The following PCNP variants were observed in gnomAD, a reference collection of about 807,000 sequenced individuals.
The protein encoded by PCNP is PEST proteolytic signal containing nuclear protein, also known as PEST proteolytic signal-containing nuclear protein.
A neutral mutation model predicts 21.8 loss-of-function variants in PCNP; 6 were observed. The ratio of observed to expected loss-of-function variants is 0.28; its 90% CI spans 0.15 to 0.54. The LOEUF is 0.54. Ranked by LOEUF, PCNP falls within the 20% of genes least tolerant of loss-of-function variation. The pLI is 0.95. For missense variants in PCNP, 161 were observed against 215.5 expected (o/e 0.75, Z 1.58); for synonymous variants, 67 against 73.2 (o/e 0.92, Z 0.43).
intron 3 of PCNP, among the ~76,000 whole-genome samples, chr3:101,588,722 T>G (rs1011589098): frequency 2.6e-5 from 4 of 152,250 alleles, no homozygotes; most frequent in African/African-American, 9.6e-5. Flanking sequence ...GGCCAGTTAT[T>G]TTGTATAAGC....
At chr3:101,589,019 T>C (rs1559964209) in intron 3 of PCNP, among the ~76,000 whole-genome samples, 1 of 152,206 alleles carries the variant, frequency 6.6e-6, no homozygotes, top group East Asian at 1.9e-4. Flanking sequence ...TGAGGACGTT[T>C]TCTCACTAGC....
chr3:101,592,522 T>C (rs1033533041), intron 4 of PCNP, 105 bp from the exon 5 acceptor site: 12 of 851,938 alleles, frequency 1.4e-5, no homozygotes, highest in Non-Finnish European at 2.0e-5. Context: ...GTGTTCAGTC[T>C]GTGTTTATAA....
At chr3:101,590,185 T>C (rs770517377) in intron 3 of PCNP, 30 bp from the exon 4 acceptor site, 87 of 1,282,922 alleles carry the variant, frequency 6.8e-5, no homozygotes, top group Non-Finnish European at 8.6e-5. Context: ...TTGTATGCAG[T>C]TATCTTGGTT....
At chr3:101,586,571 T>TGTGA in intron 3 of PCNP, among the ~76,000 whole-genome samples, 261 of 114,204 alleles carry the variant, frequency 2.3e-3, no homozygotes, top group Middle Eastern at 9.7e-3. Context: ...TGTGTGTGTG[T>TGTGA]GAGAGAGAGA....
chr3:101,587,827 C>A (rs1935611737), intron 3 of PCNP, among the ~76,000 whole-genome samples: 1 of 152,116 alleles, frequency 6.6e-6, no homozygotes, highest in Non-Finnish European at 1.5e-5. Context: ...ATACAGGATG[C>A]AGGGAATACG....
chr3:101,581,582 C>T (rs1392065891), intron 2 of PCNP, among the ~76,000 whole-genome samples: 5 of 151,714 alleles, frequency 3.3e-5, no homozygotes, highest in Non-Finnish European at 7.4e-5. Flanking sequence ...CACAGGTGCA[C>T]GCCACCACGT....
chr3:101,575,474 C>G (rs1047234327), intron 1 of PCNP, among the ~76,000 whole-genome samples: 1 of 147,942 alleles, frequency 6.8e-6, no homozygotes, highest in Non-Finnish European at 1.5e-5. Flanking sequence ...TCCCCACCCC[C>G]TGTCTTTTTT....
chr3:101,593,974 A>T lies in PCNP; in HGVS notation c.*1221A>T, dbSNP rs553853947. 6.5e-6 allele frequency: 1 copy of T among 152,736 alleles called. No homozygotes were observed. Among genetic ancestry groups the T allele is most frequent in the South Asian group, 2.1e-4 (1 of 4,826 alleles). The allele number at this position is 152,736 out of a possible 1,614,324, so 9.5% of individuals were successfully genotyped here. ...CTTTTTTTAAATGTGACAGTTAAAC[A>T]CATCTTTAAAAGCATAGTCACAGAC... On this transcript the variant is annotated 3_prime_UTR_variant, in exon 5 of 5. Transcript: ENST00000265260.
chr3:101,578,446 A>T (rs1276733717), intron 1 of PCNP, among the ~76,000 whole-genome samples: 1 of 152,144 alleles, frequency 6.6e-6, no homozygotes, highest in African/African-American at 2.4e-5. Flanking sequence ...TTGTGATTTT[A>T]TATATAAGTA....
In PCNP at chr3:101,593,479, T is replaced by G. The variant is rs1401477079; in HGVS notation, c.*726T>G. 6.6e-6 allele frequency: 1 copy of G among 152,656 alleles called. No individual in the cohort carries two copies. Among genetic ancestry groups the G allele is most frequent in the Non-Finnish European group, 1.5e-5 (1 of 68,036 alleles). 9.5% of individuals were successfully genotyped at this position (152,656 alleles called of 1,614,324 possible). On this transcript the variant is annotated 3_prime_UTR_variant, in exon 5 of 5. Transcript: ENST00000265260. ...TGAATGTGCTTCTCTTGTTTTTTGT[T>G]TATTAGCTAGTTCCTGTAAGCATTT...
At chr3:101,586,397 G>A (rs1302216678) in intron 3 of PCNP, among the ~76,000 whole-genome samples, 2 of 152,010 alleles carry the variant, frequency 1.3e-5, no homozygotes, top group Admixed American at 1.3e-4. Context: ...ACCTATGGAA[G>A]TTTCAAGCAT....
intron 3 of PCNP, among the ~76,000 whole-genome samples, chr3:101,588,526 T>G (rs182223181): frequency 4.1e-4 from 62 of 152,336 alleles, no homozygotes; most frequent in Admixed American, 3.2e-3. Flanking sequence ...TAAATCATAA[T>G]TAAGTAACCT....
chr3:101,590,348 A>G (rs1576623354), intron 4 of PCNP, 78 bp downstream of exon 4: 2 of 774,958 alleles, frequency 2.6e-6, no homozygotes. Flanking sequence ...GATTTCTTAC[A>G]GTTCAGGCTT....
intron 2 of PCNP, among the ~76,000 whole-genome samples, chr3:101,583,697 G>C (rs967936456): frequency 2.6e-5 from 4 of 152,032 alleles, no homozygotes; most frequent in Non-Finnish European, 5.9e-5. Flanking sequence ...ACCCAGGCTG[G>C]AGTACAAAGG....
In PCNP at chr3:101,593,949, CT is replaced by C. The variant is rs1279339281; in HGVS notation, c.*1203del. On this transcript the variant is annotated 3_prime_UTR_variant, in exon 5 of 5. Transcript: ENST00000265260. ...TTTGTATTTTTGTATTGTATATGAA[CT>C]TTTTTTAAATGTGACAGTTAAACAC... 5 of 152,472 alleles carry C rather than the reference CT, an allele frequency of 3.3e-5. No homozygotes were observed. The highest frequency in any genetic ancestry group is 9.7e-5 in the African/African-American group (4 of 41,408). 9.4% of individuals were successfully genotyped at this position (152,472 alleles called of 1,614,324 possible). A position where few individuals can be genotyped will look rare whatever the true frequency, so the allele number is the denominator to read the frequency against.
intron 2 of PCNP, among the ~76,000 whole-genome samples, chr3:101,584,878 C>T (rs909100975): frequency 5.3e-5 from 8 of 152,208 alleles, no homozygotes; most frequent in Admixed American, 3.9e-4. Context: ...GTGGCACACA[C>T]CTGTAATCCC....
intron 2 of PCNP, among the ~76,000 whole-genome samples, chr3:101,582,084 T>G (rs1431262764): frequency 6.6e-6 from 1 of 151,730 alleles, no homozygotes; most frequent in Non-Finnish European, 1.5e-5. Flanking sequence ...TCTGATAATT[T>G]GGGGTGGGAG....
At chr3:101,576,828 A>G (rs1280461265) in intron 1 of PCNP, 10 of 1,609,946 alleles carry the variant, frequency 6.2e-6, no homozygotes, top group Middle Eastern at 2.1e-4. Context: ...CCACATGAGC[A>G]TATCTTCGGC....
At chr3:101,579,494 A>G (rs1935113178) in intron 1 of PCNP, 2 of 530,118 alleles carry the variant, frequency 3.8e-6, no homozygotes, top group Middle Eastern at 9.1e-4. Context: ...ACAAATAACC[A>G]GATTATTGTA....
Sources: allele counts gnomAD v4.1 joint callset (sites outside exome capture counted in the v4.1 genomes callset), GRCh38; gene constraint gnomAD v4.1.1; transcripts MANE v1.5; gene names NCBI Gene and HGNC (gene_info 2026-07-23, HGNC 2026-07-21).